The following MDN1 variants were observed in gnomAD, a reference collection of about 807,000 sequenced individuals.
The protein encoded by MDN1 is midasin AAA ATPase 1, also known as midasin.
Under a neutral mutation model 669.2 loss-of-function variants are expected in MDN1, and 266 were observed. The observed-to-expected ratio is 0.40, with a 90% CI of 0.36 to 0.44. The LOEUF is 0.44. MDN1 is among the 20% of genes least tolerant of loss of function. MDN1 has a pLI of 1.00. For synonymous variants in MDN1, 2,385 were observed against 2,457.1 expected, an observed-to-expected ratio of 0.97 and a Z score of 0.87; for missense variants, 5,940 against 6,754.0, an observed-to-expected ratio of 0.88 and a Z score of 4.22.
chr6:89,661,354 C>A, intron 88 of MDN1, 77 bp downstream of exon 88: 2 of 1,507,350 alleles, frequency 1.3e-6, no homozygotes, highest in Non-Finnish European at 1.8e-6. Context: ...TGACACTGAG[C>A]TAGCTTTCAA....
chr6:89,790,166 T>C lies in MDN1; in HGVS notation c.1091A>G (p.Asp364Gly), dbSNP rs1319298108. The part of the protein sequence containing the change: ...LLKVQLGDQT[D>G]SKMLLGMYRC... ...TTAACATTTCCTTATTACCTTACTG[T>C]CAGTCTGATCTCCAAGCTGGACTTT... Residue 364 changes from aspartate to glycine, a missense_variant, in exon 6 of 102, where the codon GAC becomes GGC. Transcript: ENST00000369393. 4 of 1,614,024 alleles carry C rather than the reference T, an allele frequency of 2.5e-6. No individual in the cohort carries two copies. The Admixed American group carries it at 5.0e-5, about 20-fold the overall frequency.
At chr6:89,698,727 A>T (rs1812944849) in intron 59 of MDN1, 138 bp downstream of exon 59, 2 of 791,516 alleles carry the variant, frequency 2.5e-6, no homozygotes, top group African/African-American at 1.7e-5. Context: ...ACACTTATTT[A>T]ACATTCTGCA....
Position 89,678,723 on chromosome 6 carries a change from A to G in MDN1, c.12288T>C (p.Ser4096=). Residue 4096 remains serine, a synonymous_variant, in exon 75 of 102, where the codon AGT becomes AGC. Coordinates refer to ENST00000369393, the MANE Select transcript of MDN1 (RefSeq NM_014611.3). ...QFTGEVISSV[S]ELQSLKVEPS... is the part of the protein sequence containing the mutation. ...GTTCCACCTTTAAGCTCTGCAGCTC[A>G]CTCACAGAGGAAATCACTTCACCTG... The G allele has an allele frequency of 6.2e-7, 1 of 1,612,466 alleles. No homozygotes were observed. The highest frequency in any genetic ancestry group is 1.1e-5 in the South Asian group (1 of 90,740).
At position 89,675,466 on chromosome 6, in the gene MDN1, G is replaced by T. The variant is rs375471963; in HGVS notation, c.12759C>A (p.Leu4253=). 7.4e-6 allele frequency: 12 copies of T among 1,612,700 alleles called. No homozygotes were observed. The highest frequency in any genetic ancestry group is 9.3e-6 in the Non-Finnish European group (11 of 1,179,700). The change falls in exon 78 of 102, where the codon CTC becomes CTA. Residue 4253 remains leucine, a splice_region_variant and synonymous_variant. Transcript: ENST00000369393. ...LTTLSEQWII[L]RNLLSCVQEI... is the part of the protein sequence containing the mutation. ...AAGCCCAACTCATCAGCTGATACCT[G>T]AGGATGATCCACTGCTCACTGAGCG...
intron 91 of MDN1, 144 bp from the exon 92 acceptor site, chr6:89,656,112 G>A (rs969999982): frequency 4.5e-6 from 3 of 669,584 alleles, no homozygotes; most frequent in Non-Finnish European, 5.0e-6. Flanking sequence ...CTATTAAAAA[G>A]AACCGGGACT....
rs370691129 is a variant in MDN1 at position 89,734,691 on chromosome 6, A to AGAGAGAGAGAGAGAGAGAG, written c.4724-1917_4724-1916insCTCTCTCTCTCTCTCTCTC. 8.3e-3 allele frequency among the ~76,000 whole-genome samples: 935 copies of AGAGAGAGAGAGAGAGAGAG among 112,906 alleles called. 87 individuals are homozygous for AGAGAGAGAGAGAGAGAGAG. In the East Asian group the frequency reaches 0.095, roughly 12 times the overall value. 74.1% of individuals were successfully genotyped at this position (112,906 alleles called of 152,430 possible). A position where few individuals can be genotyped will look rare whatever the true frequency, so the allele number is the denominator to read the frequency against. Reference sequence around the variant, plus strand: ...AGAAGAAAAAAAAAAAAAAAAAAACAAGAGAGAGAGAGAGAGAGAGAGAGA... The same window carrying AGAGAGAGAGAGAGAGAGAG: ...AGAAGAAAAAAAAAAAAAAAAAAACAGAGAGAGAGAGAGAGAGAGAGAGAGAGAGAGAGAGAGAGAGAGA... On this transcript the variant is annotated intron_variant, in intron 33 of 101. Transcript: ENST00000369393.
In MDN1 at chr6:89,658,756, T is replaced by A. The variant is rs1205690864; in HGVS notation, c.14875A>T (p.Thr4959Ser). 1 of 1,614,040 alleles carries A rather than the reference T, an allele frequency of 6.2e-7. No homozygotes were observed. Among genetic ancestry groups the A allele is most frequent in the Non-Finnish European group, 8.5e-7 (1 of 1,180,034 alleles). ...TCTCCATCTTGGTCATCAGCTCCTG[T>A]GTCCATTTCCTCTTCCCCTTCTGCC... ...DKAEGEEEMD[T>S]GADDQDGDAA... Residue 4959 changes from threonine (T) to serine (S), a missense_variant, in exon 89 of 102, where the codon ACA (threonine) becomes TCA (serine). By Grantham distance (58) the Thr-to-Ser change is moderately conservative. Around this residue, in one of 5 missense-constraint regions of MDN1, gnomAD observed 2,280 missense variants for 2,576.3 expected, o/e 0.88. Coordinates refer to ENST00000369393, the MANE Select transcript of MDN1 (RefSeq NM_014611.3).
rs74832940 is a variant in MDN1 at position 89,691,169 on chromosome 6, T to C, written c.10588-335A>G. Among the ~76,000 whole-genome samples, 861 of 152,172 alleles carry C rather than the reference T, an allele frequency of 5.7e-3. 4 individuals carry two copies. Among genetic ancestry groups the C allele is most frequent in the Non-Finnish European group, 0.01 (696 of 67,994 alleles). On this transcript the variant is annotated intron_variant, in intron 63 of 101. Coordinates refer to ENST00000369393, the MANE Select transcript of MDN1 (RefSeq NM_014611.3). ...AGACTCAGGGTTGGCCATGAGAGGGTTGTGGTTCAGACAACACCTGGGTGG... is the reference window on the plus strand; with the variant it reads ...AGACTCAGGGTTGGCCATGAGAGGGCTGTGGTTCAGACAACACCTGGGTGG...
At chr6:89,667,076 C>T (rs2128302647) in intron 84 of MDN1, among the ~76,000 whole-genome samples, 1 of 152,286 alleles carries the variant, frequency 6.6e-6, no homozygotes, top group East Asian at 1.9e-4. Flanking sequence ...TCAATGAATA[C>T]ACATAATTTA....
chr6:89,690,233 G>T, intron 64 of MDN1, 90 bp from the exon 65 acceptor site: 1 of 1,385,202 alleles, frequency 7.2e-7, no homozygotes, highest in Non-Finnish European at 9.9e-7. Flanking sequence ...GCATAAGAAT[G>T]ACTGAAAAAA....
intron 33 of MDN1, among the ~76,000 whole-genome samples, chr6:89,738,046 A>G (rs1196114013): frequency 6.6e-6 from 1 of 152,220 alleles, no homozygotes; most frequent in African/African-American, 2.4e-5. Context: ...AAATAAAGTG[A>G]AAGAATAACA....
At chr6:89,729,432 C>A (rs190248865) in intron 35 of MDN1, among the ~76,000 whole-genome samples, 2 of 152,320 alleles carry the variant, frequency 1.3e-5, no homozygotes, top group East Asian at 3.9e-4. Flanking sequence ...ACAACCTACA[C>A]CCTGAATCAC....
intron 8 of MDN1, among the ~76,000 whole-genome samples, chr6:89,786,086 A>C (rs1818942462): frequency 6.6e-6 from 1 of 151,904 alleles, no homozygotes. Flanking sequence ...ACATGGCAAA[A>C]CCCCATCTCT....
chr6:89,701,306 AG>A lies in MDN1; in HGVS notation c.8427+251del, dbSNP rs532179763. On this transcript the variant is annotated intron_variant, in intron 55 of 101. Coordinates refer to ENST00000369393, the MANE Select transcript of MDN1 (RefSeq NM_014611.3). ...TTGTATGAGGTACTGTAAGTAATTTAGAGATGATATAAAGGGTACATAGGTT... is the reference window on the plus strand; with the variant it reads ...TTGTATGAGGTACTGTAAGTAATTTAAGATGATATAAAGGGTACATAGGTT... Among the ~76,000 whole-genome samples, 6 of 152,374 alleles carry A rather than the reference AG, an allele frequency of 3.9e-5. No homozygotes were observed. In the South Asian group the frequency reaches 1.0e-3, roughly 26 times the overall value.
Position 89,715,808 on chromosome 6 carries a change from G to A in MDN1, c.6744-39C>T, listed in dbSNP as rs761704097. 6 of 1,331,538 alleles carry A rather than the reference G, an allele frequency of 4.5e-6. 1 individual carries two copies. In the South Asian group the frequency reaches 7.0e-5, roughly 16 times the overall value. 82.5% of individuals were successfully genotyped at this position (1,331,538 alleles called of 1,614,324 possible). On this transcript the variant is annotated intron_variant, in intron 44 of 101. Coordinates refer to ENST00000369393, the MANE Select transcript of MDN1 (RefSeq NM_014611.3). ...ATTCAGATGGTGGATAGGCTGACATGCTGCATTGACTCTTCTTTCCTTCCA... is the reference window on the plus strand; with the variant it reads ...ATTCAGATGGTGGATAGGCTGACATACTGCATTGACTCTTCTTTCCTTCCA...
chr6:89,672,388 A>G, intron 81 of MDN1, 25 bp from the exon 82 acceptor site: 1 of 1,609,208 alleles, frequency 6.2e-7, no homozygotes, highest in Non-Finnish European at 8.5e-7. Flanking sequence ...CAGAGAAAAT[A>G]ACAACATGAT....
chr6:89,690,084 C>A lies in MDN1; in HGVS notation c.10809G>T (p.Gly3603=). Residue 3603 remains glycine (G), a synonymous_variant, in exon 65 of 102, where the codon GGG becomes GGT. Coordinates refer to ENST00000369393, the MANE Select transcript of MDN1 (RefSeq NM_014611.3). ...GGTTTGTGCCTGCTTCCTCTTCTTG[C>A]CCATCTGAAGTTCCTTTGTTCTCCT... ...TLEENKGTSD[G]QEEEAGTNPA... The A allele has an allele frequency of 1.9e-6, 3 of 1,614,136 alleles. No homozygotes were observed. Among genetic ancestry groups the A allele is most frequent in the Non-Finnish European group, 2.5e-6 (3 of 1,180,022 alleles).
At chr6:89,658,572 A>G (rs1229784711) in intron 89 of MDN1, 38 bp downstream of exon 89, 2 of 1,575,618 alleles carry the variant, frequency 1.3e-6, no homozygotes, top group South Asian at 1.2e-5. Context: ...CCTCTTCCTC[A>G]TTATTTTTAA....
At chr6:89,752,021 CT>C (rs1482048839) in intron 22 of MDN1, among the ~76,000 whole-genome samples, 2 of 152,196 alleles carry the variant, frequency 1.3e-5, no homozygotes, top group Admixed American at 6.5e-5. Context: ...TTCAGAGCAA[CT>C]AGCCCATTAA....
Sources: gnomAD v4.1 joint callset for allele counts (sites outside exome capture counted in the v4.1 genomes callset) on GRCh38, gnomAD v4.1.1 for gene constraint, gnomAD v4.1.1 regional missense constraint, MANE v1.5 for transcripts, NCBI Gene and HGNC (gene_info 2026-07-23, HGNC 2026-07-21) for gene names.